PDZD2: variants seen among roughly 807,000 people sequenced by gnomAD.
PDZD2 encodes PDZ domain containing 2.
PDZD2 carries 90 observed loss-of-function variants against 220.7 expected under a neutral mutation model. That is an observed-to-expected ratio of 0.41 (90% CI 0.34 to 0.49). The LOEUF (loss-of-function observed/expected upper bound fraction) is 0.49, where lower values mean the gene tolerates loss of function less well. Among genes scored for constraint, PDZD2 ranks in the 20% least tolerant of loss-of-function variants. PDZD2 has a pLI of 0.28. For missense variants in PDZD2, 3,174 were observed against 3,608.5 expected (o/e 0.88, Z 3.08); for synonymous variants, 1,375 against 1,450.5 (o/e 0.95, Z 1.18).
chr5:31,678,245 C>A (rs1409343955), intron 1 of PDZD2, among the ~76,000 whole-genome samples: 1 of 152,166 alleles, frequency 6.6e-6, no homozygotes, highest in African/African-American at 2.4e-5. Flanking sequence ...TGTGATGAGA[C>A]CAGCTGCAGT....
chr5:32,025,823 C>T (rs1456748585), intron 6 of PDZD2, among the ~76,000 whole-genome samples: 3 of 151,052 alleles, frequency 2.0e-5, no homozygotes, highest in African/African-American at 7.3e-5. Flanking sequence ...CTGGTCTCAA[C>T]CCCTGACCTC....
chr5:31,716,055 A>T (rs1748425783), intron 1 of PDZD2, among the ~76,000 whole-genome samples: 1 of 152,158 alleles, frequency 6.6e-6, no homozygotes, highest in African/African-American at 2.4e-5. Context: ...CTCACAGTAG[A>T]TTAGGGACTG....
At chr5:31,941,217 C>T (rs2150402730) in intron 2 of PDZD2, among the ~76,000 whole-genome samples, 1 of 152,300 alleles carries the variant, frequency 6.6e-6, no homozygotes, top group African/African-American at 2.4e-5. Context: ...CCACTTCCAC[C>T]AGCAAGAGGA....
At chr5:31,688,767 A>G (rs1746972364) in intron 1 of PDZD2, among the ~76,000 whole-genome samples, 2 of 152,180 alleles carry the variant, frequency 1.3e-5, no homozygotes, top group Non-Finnish European at 2.9e-5. Context: ...GAATGAATAT[A>G]CTGCAGAGTT....
At chr5:31,679,860 C>T (rs1386859313) in intron 1 of PDZD2, among the ~76,000 whole-genome samples, 1 of 152,076 alleles carries the variant, frequency 6.6e-6, no homozygotes, top group Non-Finnish European at 1.5e-5. Context: ...TTTCTTAGAT[C>T]CTGTAGTATT....
chr5:31,795,481 A>G (rs1753971356), intron 1 of PDZD2, among the ~76,000 whole-genome samples: 1 of 152,234 alleles, frequency 6.6e-6, no homozygotes, highest in Admixed American at 6.5e-5. Context: ...TATTTATGAT[A>G]CACAAAAATG....
intron 2 of PDZD2, among the ~76,000 whole-genome samples, chr5:31,961,409 C>A (rs929522044): frequency 4.0e-5 from 6 of 151,568 alleles, no homozygotes; most frequent in South Asian, 2.1e-4. Context: ...ATGGTGTGCA[C>A]CTGTAGTCTC....
intron 1 of PDZD2, among the ~76,000 whole-genome samples, chr5:31,696,268 A>T (rs988206831): frequency 9.2e-5 from 14 of 152,108 alleles, no homozygotes; most frequent in African/African-American, 2.9e-4. Flanking sequence ...GGGTGCAGGA[A>T]AGGGGGTTTT....
chr5:31,691,469 A>AT (rs1561386389), intron 1 of PDZD2, among the ~76,000 whole-genome samples: 131 of 129,034 alleles, frequency 1.0e-3, no homozygotes, highest in African/African-American at 3.2e-3. Flanking sequence ...TTATTCTCTT[A>AT]CCTGGCGCCA....
At chr5:31,886,366 C>T (rs981030293) in intron 2 of PDZD2, among the ~76,000 whole-genome samples, 4 of 152,138 alleles carry the variant, frequency 2.6e-5, no homozygotes, top group Non-Finnish European at 5.9e-5. Flanking sequence ...TTATGTGCCT[C>T]CCCTTGGCCC....
intron 2 of PDZD2, among the ~76,000 whole-genome samples, chr5:31,884,693 A>G (rs560043331): frequency 6.6e-6 from 1 of 152,140 alleles, no homozygotes; most frequent in East Asian, 1.9e-4. Context: ...GGTTTAGGCG[A>G]TTCTCCTGCC....
intron 2 of PDZD2, among the ~76,000 whole-genome samples, chr5:31,956,792 A>C (rs1021309603): frequency 6.7e-6 from 1 of 149,436 alleles, no homozygotes; most frequent in African/African-American, 2.4e-5. Context: ...AAAAGGGACA[A>C]AGAGGAAACT....
At chr5:31,978,639 C>T (rs751627078) in intron 2 of PDZD2, among the ~76,000 whole-genome samples, 8 of 146,438 alleles carry the variant, frequency 5.5e-5, no homozygotes, top group Admixed American at 3.5e-4. Context: ...GGTGTGAACC[C>T]GGGAGGCGGA....
chr5:31,750,129 A>G (rs974437979), intron 1 of PDZD2, among the ~76,000 whole-genome samples: 7 of 152,188 alleles, frequency 4.6e-5, no homozygotes, highest in Admixed American at 4.6e-4. Flanking sequence ...ATCCCCAGGA[A>G]CTGACTTTAG....
chr5:31,820,531 TA>T (rs1403185260), intron 2 of PDZD2: 3 of 152,226 alleles, frequency 2.0e-5, no homozygotes, highest in African/African-American at 7.2e-5. Flanking sequence ...ACACGGCATT[TA>T]TTTTTTTTTA....
At chr5:31,834,792 G>C (rs1756849480) in intron 2 of PDZD2, among the ~76,000 whole-genome samples, 1 of 152,000 alleles carries the variant, frequency 6.6e-6, no homozygotes. Flanking sequence ...CAAATGACAA[G>C]TTGATGGGTG....
chr5:31,870,804 G>A (rs764559492), intron 2 of PDZD2, among the ~76,000 whole-genome samples: 1 of 151,308 alleles, frequency 6.6e-6, no homozygotes, highest in Non-Finnish European at 1.5e-5. Context: ...CAGGAGAATT[G>A]CTTGAACCCA....
chr5:31,709,504 GGTGAGAGAAAA>G, intron 1 of PDZD2, among the ~76,000 whole-genome samples: 1 of 34,850 alleles, frequency 2.9e-5, no homozygotes, highest in Non-Finnish European at 5.9e-5. Flanking sequence ...TAAAATAAAA[GGTGAGAGAAAA>G]GGTGAGAGCT....
chr5:32,079,939 A>C (rs1282939578), intron 19 of PDZD2, among the ~76,000 whole-genome samples: 1 of 152,220 alleles, frequency 6.6e-6, no homozygotes, highest in East Asian at 1.9e-4. Flanking sequence ...TTTGTTAGTG[A>C]TGAGGCTGTT....
Sources: allele counts gnomAD v4.1 joint callset (sites outside exome capture counted in the v4.1 genomes callset), GRCh38; gene constraint gnomAD v4.1.1; transcripts MANE v1.5; gene names NCBI Gene and HGNC (gene_info 2026-07-23, HGNC 2026-07-21).